The following ANKMY2 variants were observed in gnomAD, a reference collection of about 807,000 sequenced individuals.
ANKMY2 encodes the protein ankyrin repeat and MYND domain containing 2, also known as ankyrin repeat and MYND domain-containing protein 2.
ANKMY2 carries 36 observed loss-of-function variants against 50.4 expected under a neutral mutation model. The observed-to-expected ratio is 0.71, with a 90% CI of 0.55 to 0.94. The LOEUF (loss-of-function observed/expected upper bound fraction) is 0.94, where lower values mean the gene tolerates loss of function less well. ANKMY2 is among the 40% of genes least tolerant of loss of function. ANKMY2 has a pLI of 0.00. For synonymous variants in ANKMY2, 187 were observed against 178.8 expected, an observed-to-expected ratio of 1.05 and a Z score of -0.36; for missense variants, 565 against 524.0, an observed-to-expected ratio of 1.08 and a Z score of -0.76.
Position 16,636,376 on chromosome 7 carries a change from C to G in ANKMY2, c.132+15G>C, listed in dbSNP as rs758917935. Reference sequence around the variant, plus strand: ...ATAGGAAGTAAAATCCTTTATTAAACTTCTAAAATCTTACCTCGTCCAAAC... The same window carrying G: ...ATAGGAAGTAAAATCCTTTATTAAAGTTCTAAAATCTTACCTCGTCCAAAC... On this transcript the variant is annotated intron_variant, in intron 2 of 9. Coordinates refer to ENST00000306999, the MANE Select transcript of ANKMY2 (RefSeq NM_020319.3). The G allele has an allele frequency of 1.7e-6, 2 of 1,188,132 alleles. No homozygotes were observed. The highest frequency in any genetic ancestry group is 2.7e-5 in the South Asian group (2 of 74,780). The allele number at this position is 1,188,132 out of a possible 1,614,324, so 73.6% of individuals were successfully genotyped here. A position where few individuals can be genotyped will look rare whatever the true frequency, so the allele number is the denominator to read the frequency against.
At position 16,627,111 on chromosome 7, in the gene ANKMY2, C is replaced by T. The variant is rs138949130; in HGVS notation, c.200G>A (p.Arg67Gln). ...ATGACAATTTACATCGGCTCCATGTCGCAGTAGTAATTTGCACATATCGAG... is the reference window on the plus strand; with the variant it reads ...ATGACAATTTACATCGGCTCCATGTTGCAGTAGTAATTTGCACATATCGAG... ...GKLDMCKLLL[R>Q]HGADVNCHQH... The change falls in exon 3 of 10, where the codon CGA becomes CAA. Residue 67 changes from arginine (R) to glutamine (Q), a missense_variant. Physicochemically the swap from Arg to Gln is conservative, Grantham distance 43. Transcript: ENST00000306999. 20 of 1,612,296 alleles carry T rather than the reference C, an allele frequency of 1.2e-5. No homozygotes were observed. The highest frequency in any genetic ancestry group is 1.2e-4 in the African/African-American group (9 of 74,882).
At chr7:16,601,735 C>T (rs193173131) in intron 9 of ANKMY2, among the ~76,000 whole-genome samples, 112 of 152,284 alleles carry the variant, frequency 7.4e-4, no homozygotes, top group African/African-American at 2.3e-3. Context: ...ACATATGATA[C>T]ATTCTCTGGA....
chr7:16,626,591 A>G (rs1781509860), intron 3 of ANKMY2, among the ~76,000 whole-genome samples: 1 of 152,230 alleles, frequency 6.6e-6, no homozygotes, highest in South Asian at 2.1e-4. Context: ...GTCCTTATTC[A>G]GCAAATAATA....
intron 7 of ANKMY2, among the ~76,000 whole-genome samples, chr7:16,608,885 C>T (rs1042950643): frequency 2.0e-5 from 3 of 152,104 alleles, no homozygotes; most frequent in African/African-American, 7.2e-5. Flanking sequence ...CCTATAGTCC[C>T]AGCCACTCAG....
chr7:16,607,842 G>A (rs1781185997), intron 7 of ANKMY2, among the ~76,000 whole-genome samples: 1 of 151,768 alleles, frequency 6.6e-6, no homozygotes, highest in South Asian at 2.1e-4. Flanking sequence ...AGTAACAGAA[G>A]TGTAATTTTG....
chr7:16,629,745 T>C (rs994744510), intron 2 of ANKMY2, among the ~76,000 whole-genome samples: 7 of 152,188 alleles, frequency 4.6e-5, no homozygotes, highest in Admixed American at 4.6e-4. Flanking sequence ...CACATGTACT[T>C]TCCTATCTTA....
intron 7 of ANKMY2, among the ~76,000 whole-genome samples, chr7:16,606,699 A>G (rs1251599982): frequency 6.6e-6 from 1 of 152,234 alleles, no homozygotes; most frequent in Non-Finnish European, 1.5e-5. Context: ...AGGTTTAAAA[A>G]TATCACCTGG....
In ANKMY2 at chr7:16,645,578, C is replaced by G; in HGVS notation, c.-5G>C. 42 of 1,611,002 alleles carry G rather than the reference C, an allele frequency of 2.6e-5. No individual in the cohort carries two copies. The highest frequency in any genetic ancestry group is 3.4e-5 in the Non-Finnish European group (40 of 1,178,574). ...GCCTTTCTTTATGTGAACCATTGCT[C>G]CCGCCAGCTTGAAGGTTATTCCCTT... is the stretch of plus-strand genomic sequence containing the variant. On this transcript the variant is annotated 5_prime_UTR_variant, in exon 1 of 10. Coordinates refer to ENST00000306999, the MANE Select transcript of ANKMY2 (RefSeq NM_020319.3).
Position 16,645,523 on chromosome 7 carries a change from C to CAGTA in ANKMY2, c.47_50dup (p.Glu18ThrfsTer40), listed in dbSNP as rs756780864. The CAGTA allele has an allele frequency of 1.2e-6, 2 of 1,611,822 alleles. No individual in the cohort carries two copies. Among genetic ancestry groups the CAGTA allele is most frequent in the East Asian group, 4.5e-5 (2 of 44,646 alleles). ...CACCCGTACCTTTCCCGATGACTTC[C>CAGTA]AGTAGCTCCTTCTCCTCCTGGGTCA... On this transcript the variant is annotated frameshift_variant, in exon 1 of 10. Transcript: ENST00000306999. LOFTEE classifies it high-confidence loss of function.
intron 4 of ANKMY2, among the ~76,000 whole-genome samples, chr7:16,622,242 T>C (rs921956776): frequency 6.6e-6 from 1 of 152,074 alleles, no homozygotes; most frequent in Non-Finnish European, 1.5e-5. Context: ...ATAAAGAGTA[T>C]AAGTGGGTAA....
rs975925781 is a variant in ANKMY2, at chr7:16,608,251, A to G, written c.882+1379T>C. Among the ~76,000 whole-genome samples, 19 of 152,342 alleles carry G rather than the reference A, an allele frequency of 1.2e-4. 1 individual carries two copies. Among genetic ancestry groups the G allele is most frequent in the South Asian group, 4.1e-4 (2 of 4,828 alleles). ...GGTTGGGCTTTGATATGTGCTGCCA[A>G]GACACATTTGTAATTGACAAATCAT... is the stretch of plus-strand genomic sequence containing the variant. On this transcript the variant is annotated intron_variant, in intron 7 of 9. Transcript: ENST00000306999.
chr7:16,606,810 TG>T (rs1781168287), intron 7 of ANKMY2, among the ~76,000 whole-genome samples: 1 of 152,216 alleles, frequency 6.6e-6, no homozygotes, highest in African/African-American at 2.4e-5. Context: ...GAAACTACCA[TG>T]TTCTTCTTGA....
At chr7:16,602,594 T>C (rs1781089358) in intron 8 of ANKMY2, 85 bp from the exon 9 acceptor site, 11 of 1,465,170 alleles carry the variant, frequency 7.5e-6, no homozygotes, top group Admixed American at 2.3e-5. Context: ...AACTAAGCTA[T>C]AAAAATGTCA....
At chr7:16,615,703 A>T in intron 5 of ANKMY2, 41 bp downstream of exon 5, 1 of 1,611,510 alleles carries the variant, frequency 6.2e-7, no homozygotes, top group Non-Finnish European at 8.5e-7. Flanking sequence ...ACTCTGAAGC[A>T]ATATTTACAT....
At chr7:16,619,952 T>C (rs1015098964) in intron 4 of ANKMY2, among the ~76,000 whole-genome samples, 1 of 152,218 alleles carries the variant, frequency 6.6e-6, no homozygotes, top group South Asian at 2.1e-4. Context: ...TGAATTCTCA[T>C]TTGCAAAACC....
At chr7:16,601,073 TAAC>T (rs1380654873) in intron 9 of ANKMY2, 128 bp from the exon 10 acceptor site, 1 of 635,808 alleles carries the variant, frequency 1.6e-6, no homozygotes, top group Non-Finnish European at 2.3e-6. Context: ...CTGTCATCGC[TAAC>T]GTTATTTTAC....
chr7:16,644,831 A>G (rs1484383251), intron 1 of ANKMY2: 1 of 416,634 alleles, frequency 2.4e-6, no homozygotes. Flanking sequence ...AGTGGACAAG[A>G]AAGCGCGAAG....
rs766196025 is a variant in ANKMY2 at position 16,610,554 on chromosome 7, G to C, written c.741C>G (p.Ile247Met). The C allele has an allele frequency of 9.3e-6, 15 of 1,607,100 alleles. No homozygotes were observed. Among genetic ancestry groups the C allele is most frequent in the Non-Finnish European group, 1.2e-5 (14 of 1,175,488 alleles). ...CGACATAGTAAAAAGAGTACCTTTT[G>C]ATCAAGGTGTCCAGTTTATTCTCTC... ...KDGENKLDTL[I>M]KSLLKGRASD... The change falls in exon 6 of 10, where the codon ATC becomes ATG. Residue 247 changes from isoleucine (I) to methionine (M), a missense_variant. Coordinates refer to ENST00000306999, the MANE Select transcript of ANKMY2 (RefSeq NM_020319.3).
chr7:16,645,490 C>CGT lies in ANKMY2; in HGVS notation c.67+16_67+17insAC. On this transcript the variant is annotated intron_variant, in intron 1 of 9. Transcript: ENST00000306999. ...GGCCAGGCTGGCCGCGGCCGCGTCG[C>CGT]AGCCCAGCACCCGTACCTTTCCCGA... is the stretch of plus-strand genomic sequence containing the variant. 6.3e-7 allele frequency: 1 copy of CGT among 1,598,528 alleles called. No individual in the cohort carries two copies. The highest frequency in any genetic ancestry group is 8.5e-7 in the Non-Finnish European group (1 of 1,173,756).
Sources: allele counts gnomAD v4.1 joint callset (sites outside exome capture counted in the v4.1 genomes callset), GRCh38; gene constraint gnomAD v4.1.1; transcripts MANE v1.5; gene names NCBI Gene and HGNC (gene_info 2026-07-23, HGNC 2026-07-21).